Variants in DENND1A observed in about 807,000 individuals in gnomAD.
The protein encoded by DENND1A is DENN domain-containing protein 1A.
DENND1A carries 51 observed loss-of-function variants against 113.7 expected under a neutral mutation model. The observed-to-expected ratio is 0.45, with a 90% CI of 0.36 to 0.57. The LOEUF is 0.57. Among genes scored for constraint, DENND1A ranks in the 20% least tolerant of loss-of-function variants. The pLI, the probability that DENND1A is intolerant of heterozygous loss-of-function variation, is 0.00. For missense variants in DENND1A, 1,258 were observed against 1,395.9 expected (o/e 0.90, Z 1.57); for synonymous variants, 565 against 570.8 (o/e 0.99, Z 0.14).
chr9:123,775,216 T>C (rs1830286484), intron 3 of DENND1A, among the ~76,000 whole-genome samples: 1 of 152,202 alleles, frequency 6.6e-6, no homozygotes, highest in Admixed American at 6.5e-5. Flanking sequence ...TCAAATACTG[T>C]ACTTCCAAGA....
At chr9:123,897,464 T>C (rs1850937038) in intron 1 of DENND1A, among the ~76,000 whole-genome samples, 2 of 152,178 alleles carry the variant, frequency 1.3e-5, no homozygotes, top group South Asian at 4.1e-4. Flanking sequence ...CTTAAGAGGA[T>C]AGGGCAAACC....
At chr9:123,503,726 T>C (rs1190811082) in intron 13 of DENND1A, among the ~76,000 whole-genome samples, 1 of 152,224 alleles carries the variant, frequency 6.6e-6, no homozygotes, top group African/African-American at 2.4e-5. Flanking sequence ...TAGGCCAGCA[T>C]AGTCTTTCTA....
At chr9:123,615,939 C>CT (rs1244008538) in intron 10 of DENND1A, among the ~76,000 whole-genome samples, 1 of 151,978 alleles carries the variant, frequency 6.6e-6, no homozygotes, top group Non-Finnish European at 1.5e-5. Context: ...CATTTTATAG[C>CT]TTTTTTTTGA....
chr9:123,556,834 G>A (rs986086159), intron 13 of DENND1A, among the ~76,000 whole-genome samples: 1 of 152,236 alleles, frequency 6.6e-6, no homozygotes, highest in African/African-American at 2.4e-5. Flanking sequence ...GAGAGAAACA[G>A]CAAAGAAGAA....
chr9:123,812,917 A>G (rs532965406), intron 2 of DENND1A, among the ~76,000 whole-genome samples: 1 of 152,280 alleles, frequency 6.6e-6, no homozygotes, highest in African/African-American at 2.4e-5. Context: ...GTGTACTCAA[A>G]TCAAGAGTCA....
intron 2 of DENND1A, among the ~76,000 whole-genome samples, chr9:123,871,956 G>C (rs909467859): frequency 6.6e-6 from 1 of 152,198 alleles, no homozygotes; most frequent in Admixed American, 6.5e-5. Flanking sequence ...ATGCATTCCA[G>C]AGTTTTTGTG....
At chr9:123,466,501 T>C (rs1366881940) in intron 13 of DENND1A, among the ~76,000 whole-genome samples, 2 of 152,168 alleles carry the variant, frequency 1.3e-5, no homozygotes, top group African/African-American at 2.4e-5. Flanking sequence ...GTTTTCACCA[T>C]GTTGGTCAGG....
intron 21 of DENND1A, among the ~76,000 whole-genome samples, chr9:123,399,605 G>T (rs1033158884): frequency 6.6e-6 from 1 of 152,200 alleles, no homozygotes; most frequent in Non-Finnish European, 1.5e-5. Context: ...AAACACTCAG[G>T]CACCAGTGCA....
chr9:123,464,966 T>C (rs1476643675), intron 13 of DENND1A, among the ~76,000 whole-genome samples: 1 of 83,684 alleles, frequency 1.2e-5, no homozygotes, highest in East Asian at 3.4e-4. Context: ...CTGGCCAACA[T>C]GACAAAAACC....
At chr9:123,790,799 T>C (rs1564277010) in intron 3 of DENND1A, among the ~76,000 whole-genome samples, 2 of 152,188 alleles carry the variant, frequency 1.3e-5, no homozygotes, top group African/African-American at 2.4e-5. Flanking sequence ...TGTGTATGCA[T>C]ATACGTACAC....
chr9:123,519,656 T>G (rs1204678157), intron 13 of DENND1A, among the ~76,000 whole-genome samples: 2 of 152,174 alleles, frequency 1.3e-5, no homozygotes, highest in East Asian at 3.9e-4. Flanking sequence ...TGGTCTTAAG[T>G]GATTTGCCTG....
At chr9:123,689,719 C>T (rs2065042700) in intron 5 of DENND1A, among the ~76,000 whole-genome samples, 1 of 152,060 alleles carries the variant, frequency 6.6e-6, no homozygotes, top group Non-Finnish European at 1.5e-5. Flanking sequence ...CCTATAAACC[C>T]AGCACTTTCA....
intron 11 of DENND1A, among the ~76,000 whole-genome samples, chr9:123,592,176 T>C (rs2059488996): frequency 5.3e-5 from 8 of 152,228 alleles, no homozygotes; most frequent in Admixed American, 5.2e-4. Context: ...GTTTCTATCC[T>C]TGCAATTTGC....
intron 7 of DENND1A, among the ~76,000 whole-genome samples, chr9:123,668,171 T>A (rs1289370907): frequency 1.3e-5 from 2 of 151,914 alleles, no homozygotes; most frequent in African/African-American, 4.8e-5. Context: ...CCAGGAAAGG[T>A]CACATGCAGA....
At position 123,817,786 on chromosome 9, in the gene DENND1A, G is replaced by A. The variant is rs145887342; in HGVS notation, c.89-25156C>T. 1.4e-4 allele frequency among the ~76,000 whole-genome samples: 21 copies of A among 152,214 alleles called. No individual in the cohort carries two copies. In the East Asian group the frequency reaches 4.1e-3, roughly 29 times the overall value. ...TCATGCCTGTAATCCCAGTACTTTG[G>A]GAGGCCGAGGTGGGTGGATCACCTG... On this transcript the variant is annotated intron_variant, in intron 2 of 23. Coordinates refer to ENST00000394215, the MANE Select transcript of DENND1A (RefSeq NM_001352964.2).
chr9:123,453,912 C>T (rs1456463692), intron 16 of DENND1A, among the ~76,000 whole-genome samples: 6 of 152,180 alleles, frequency 3.9e-5, no homozygotes, highest in Non-Finnish European at 7.3e-5. Flanking sequence ...AATCAATCAA[C>T]AAGTCCTTAT....
chr9:123,588,189 T>C (rs1175723541), intron 11 of DENND1A, among the ~76,000 whole-genome samples: 1 of 146,992 alleles, frequency 6.8e-6, no homozygotes, highest in Non-Finnish European at 1.5e-5. Context: ...GTAGGAGAAT[T>C]ACTTGAACCT....
At chr9:123,604,804 G>A (rs1170050485) in intron 11 of DENND1A, among the ~76,000 whole-genome samples, 1 of 152,162 alleles carries the variant, frequency 6.6e-6, no homozygotes, top group Non-Finnish European at 1.5e-5. Flanking sequence ...TGAGGATGAT[G>A]ATCCTGGGAA....
intron 13 of DENND1A, among the ~76,000 whole-genome samples, chr9:123,553,824 C>G (rs2057268628): frequency 6.6e-6 from 1 of 152,140 alleles, no homozygotes; most frequent in South Asian, 2.1e-4. Context: ...GTGGCACAAT[C>G]TTGGCTCACT....
Sources: allele counts gnomAD v4.1 joint callset (sites outside exome capture counted in the v4.1 genomes callset), GRCh38; gene constraint gnomAD v4.1.1; transcripts MANE v1.5; gene names NCBI Gene and HGNC (gene_info 2026-07-23, HGNC 2026-07-21).